The following DVL1 variants were observed in gnomAD, a reference collection of about 807,000 sequenced individuals.
The protein encoded by DVL1 is dishevelled segment polarity protein 1.
A neutral mutation model predicts 65.0 loss-of-function variants in DVL1; 49 were observed. The ratio of observed to expected loss-of-function variants is 0.75; its 90% CI spans 0.60 to 0.96. DVL1 has a LOEUF of 0.96. Ranked by LOEUF, DVL1 falls within the 40% of genes least tolerant of loss-of-function variation. The pLI, the probability that DVL1 is intolerant of heterozygous loss-of-function variation, is 0.00. For synonymous variants in DVL1, 608 were observed against 433.9 expected (o/e 1.40, Z -4.99); for missense variants, 1,197 against 1,045.4 (o/e 1.15, Z -2.00).
Position 1,340,118 on chromosome 1 carries a change from C to T in DVL1, c.829G>A (p.Gly277Ser), listed in dbSNP as rs369424360. 1.5e-5 allele frequency: 24 copies of T among 1,613,510 alleles called. No homozygotes were observed. The highest frequency in any genetic ancestry group is 4.5e-5 in the East Asian group (2 of 44,890). The change falls in exon 8 of 15, where the codon GGC becomes AGC. Residue 277 changes from glycine to serine, a missense_variant. Physicochemically the swap from Gly to Ser is moderately conservative, Grantham distance 56. Transcript: ENST00000378888. ...TTCATGATGGAGCCAATGTAGATGC[C>T]GCCGTCTCCACGGTCGTTGCTCTGC... ...VGQSNDRGDG[G>S]IYIGSIMKGG...
In DVL1 at chr1:1,348,924, A is replaced by G. The variant is rs1282539569; in HGVS notation, c.142T>C (p.Phe48Leu). ...AAGTCCTGGTCCATGGACTTAAAGAAGAATTTGTAGGCGTGCACGGGCCGG... is the reference window on the plus strand; with the variant it reads ...AAGTCCTGGTCCATGGACTTAAAGAGGAATTTGTAGGCGTGCACGGGCCGG... ...SNRPVHAYKF[F>L]FKSMDQDFGV... The change falls in exon 1 of 15, where the codon TTC (phenylalanine) becomes CTC (leucine). Residue 48 changes from phenylalanine (F) to leucine (L), a missense_variant. Physicochemically the swap from Phe to Leu is conservative, Grantham distance 22 (BLOSUM62 0). Transcript: ENST00000378888. The G allele has an allele frequency of 6.4e-7, 1 of 1,570,168 alleles. No individual in the cohort carries two copies. The highest frequency in any genetic ancestry group is 2.5e-5 in the East Asian group (1 of 40,780).
At position 1,339,772 on chromosome 1, in the gene DVL1, G is replaced by A. The variant is rs753568346; in HGVS notation, c.950C>T (p.Ala317Val). The change falls in exon 9 of 15, where the codon GCC (alanine) becomes GTC (valine). Residue 317 changes from alanine (A) to valine (V), a missense_variant. Physicochemically the swap from Ala to Val is moderately conservative, Grantham distance 64. Coordinates refer to ENST00000378888, the MANE Select transcript of DVL1 (RefSeq NM_001330311.2). ...VNFENMSNDD[A>V]VRVLREIVSQ... is the part of the protein sequence containing the mutation. The stretch of plus-strand genomic sequence containing the variant: ...AACGATCTCCCGCAGCACCCGCACG[G>A]CATCGTCATTGCTCATGTTCTCAAA... 6 of 1,612,686 alleles carry A rather than the reference G, an allele frequency of 3.7e-6. No homozygotes were observed. The highest frequency in any genetic ancestry group is 5.1e-6 in the Non-Finnish European group (6 of 1,179,884).
Position 1,340,121 on chromosome 1 carries a change from C to T in DVL1, c.826G>A (p.Gly276Ser), listed in dbSNP as rs1440229512. The change falls in exon 8 of 15, where the codon GGC becomes AGC. Residue 276 changes from glycine (G) to serine (S), a missense_variant. Coordinates refer to ENST00000378888, the MANE Select transcript of DVL1 (RefSeq NM_001330311.2). ...ATGATGGAGCCAATGTAGATGCCGC[C>T]GTCTCCACGGTCGTTGCTCTGCCCC... ...IVGQSNDRGD[G>S]GIYIGSIMKG... 1.2e-6 allele frequency: 2 copies of T among 1,613,506 alleles called. No homozygotes were observed. Among genetic ancestry groups the T allele is most frequent in the African/African-American group, 1.3e-5 (1 of 74,900 alleles).
rs866234681 is a variant in DVL1, at chr1:1,336,452, C to T, written c.1778G>A (p.Arg593Gln). The change falls in exon 15 of 15, where the codon CGG becomes CAG. Residue 593 changes from arginine (R) to glutamine (Q), a missense_variant. Physicochemically the swap from Arg to Gln is conservative, Grantham distance 43. Transcript: ENST00000378888. The stretch of plus-strand genomic sequence containing the variant: ...GCCACTGCCCCCAGCTCCCGCCGCC[C>T]GACGCTCCTTCTCACGGCCCGGGGC... The part of the protein sequence containing the change: ...RRAPGREKER[R>Q]AAGAGGSGSE... 2.5e-6 allele frequency: 4 copies of T among 1,571,784 alleles called. No individual in the cohort carries two copies. The highest frequency in any genetic ancestry group is 2.6e-6 in the Non-Finnish European group (3 of 1,166,686).
rs190025538 is a variant in DVL1 at position 1,335,767 on chromosome 1, G to A, written c.*375C>T. 83 of 240,136 alleles carry A rather than the reference G, an allele frequency of 3.5e-4. No individual in the cohort carries two copies. The highest frequency in any genetic ancestry group is 1.3e-3 in the African/African-American group (57 of 43,540). 14.9% of individuals were successfully genotyped at this position (240,136 alleles called of 1,614,324 possible). ...ATTAGATCCCTACTCCAGACAGGGG[G>A]CCTGTGCACCGCAGGGGGTTGCCCC... On this transcript the variant is annotated 3_prime_UTR_variant, in exon 15 of 15. Coordinates refer to ENST00000378888, the MANE Select transcript of DVL1 (RefSeq NM_001330311.2).
chr1:1,339,806 C>A lies in DVL1; in HGVS notation c.916G>T (p.Asp306Tyr). 6.2e-7 allele frequency: 1 copy of A among 1,609,804 alleles called. No homozygotes were observed. Among genetic ancestry groups the A allele is most frequent in the Non-Finnish European group, 8.5e-7 (1 of 1,179,884 alleles). The change falls in exon 9 of 15, where the codon GAC becomes TAC. Residue 306 changes from aspartate to tyrosine, a missense_variant. Transcript: ENST00000378888. ...EPGDMLLQVN[D>Y]VNFENMSNDD... ...TTGCTCATGTTCTCAAAGTTCACGT[C>A]ATTCACCTGCAGGGGTGGGGATTAG...
rs774130151 is a variant in DVL1, at chr1:1,336,413, T to A, written c.1817A>T (p.His606Leu). ...GCTCCCCACCCCACTCGGTGCCGTG[T>A]GATCCGATTCACTGCCACTGCCCCC... ...GAGGSGSESD[H>L]TAPSGVGSSW... Residue 606 changes from histidine (H) to leucine (L), a missense_variant, in exon 15 of 15, where the codon CAC becomes CTC. By Grantham distance (99) the His-to-Leu change is moderately conservative. Coordinates refer to ENST00000378888, the MANE Select transcript of DVL1 (RefSeq NM_001330311.2). 6.3e-7 allele frequency: 1 copy of A among 1,598,276 alleles called. No individual in the cohort carries two copies. Among genetic ancestry groups the A allele is most frequent in the South Asian group, 1.1e-5 (1 of 90,810 alleles).
chr1:1,336,826 GC>G (rs1179197076), intron 14 of DVL1, among the ~76,000 whole-genome samples: 1 of 152,144 alleles, frequency 6.6e-6, no homozygotes, highest in African/African-American at 2.4e-5. Context: ...GCCAGCGAGG[GC>G]CCCTCATGCC....
Position 1,340,336 on chromosome 1 carries a change from TGTGTAAAAG to T in DVL1, c.700-29_700-21del, listed in dbSNP as rs761693925. ...GGAGGCCTATGGAGGAGAGGGGGCG[TGTGTAAAAG>T]GCACGGGGCTGCCCGACACTGACTT... is the stretch of plus-strand genomic sequence containing the variant. On this transcript the variant is annotated intron_variant, in intron 6 of 14. Coordinates refer to ENST00000378888, the MANE Select transcript of DVL1 (RefSeq NM_001330311.2). 3 of 1,613,750 alleles carry T rather than the reference TGTGTAAAAG, an allele frequency of 1.9e-6. No individual in the cohort carries two copies. In the Admixed American group the frequency reaches 5.0e-5, roughly 27 times the overall value.
rs1264931741 is a variant in DVL1 at position 1,339,838 on chromosome 1, G to A, written c.910-26C>T. 1.9e-6 allele frequency: 3 copies of A among 1,583,580 alleles called. No individual in the cohort carries two copies. The African/African-American group carries it at 4.3e-5, about 23-fold the overall frequency. On this transcript the variant is annotated intron_variant, in intron 8 of 14. Coordinates refer to ENST00000378888, the MANE Select transcript of DVL1 (RefSeq NM_001330311.2). ...CTGCAGGGGTGGGGATTAGGGTGGT[G>A]CAGGCAGGATGTGCAGCTCAGTCCA...
Position 1,342,044 on chromosome 1 carries a change from C to A in DVL1, c.466+9G>T. On this transcript the variant is annotated intron_variant, in intron 4 of 14. Transcript: ENST00000378888. ...GGGGTCCACAGCTGGGCAGACATGA[C>A]CACTGTACCCTCCTCGCGGTTCCGG... 6.4e-7 allele frequency: 1 copy of A among 1,565,668 alleles called. No homozygotes were observed. Among genetic ancestry groups the A allele is most frequent in the Non-Finnish European group, 8.7e-7 (1 of 1,154,906 alleles).
chr1:1,336,013 G>C lies in DVL1; in HGVS notation c.*129C>G. 3 of 1,270,794 alleles carry C rather than the reference G, an allele frequency of 2.4e-6. No individual in the cohort carries two copies. The highest frequency in any genetic ancestry group is 2.1e-6 in the Non-Finnish European group (2 of 932,888). The allele number at this position is 1,270,794 out of a possible 1,614,324, so 78.7% of individuals were successfully genotyped here. On this transcript the variant is annotated 3_prime_UTR_variant, in exon 15 of 15. Coordinates refer to ENST00000378888, the MANE Select transcript of DVL1 (RefSeq NM_001330311.2). ...AGCAGCCAGGCTGCCAGGGCAGATGGTGGTGGTCCAGCCTGCCCCCCACCC... is the reference window on the plus strand; with the variant it reads ...AGCAGCCAGGCTGCCAGGGCAGATGCTGGTGGTCCAGCCTGCCCCCCACCC...
intron 1 of DVL1, among the ~76,000 whole-genome samples, chr1:1,343,600 A>C (rs1345381010): frequency 6.6e-6 from 1 of 152,204 alleles, no homozygotes; most frequent in South Asian, 2.1e-4. Context: ...CTCAGGTCCC[A>C]GGCCCTGTGC....
Position 1,338,301 on chromosome 1 carries a change from T to A in DVL1, c.1475A>T (p.Gln492Leu), listed in dbSNP as rs752027299. The stretch of plus-strand genomic sequence containing the variant: ...GAGATCCCCGAAGACGTAGTAGCAC[T>A]GCTCGGAGAAGGTGATCTTGTTGAC... ...HTVNKITFSE[Q>L]CYYVFGDLCS... Residue 492 changes from glutamine (Q) to leucine (L), a missense_variant, in exon 13 of 15, where the codon CAG (glutamine) becomes CTG (leucine). By Grantham distance (113) the Gln-to-Leu change is moderately radical. Transcript: ENST00000378888. 2 of 1,522,696 alleles carry A rather than the reference T, an allele frequency of 1.3e-6. No homozygotes were observed. 94.3% of individuals were successfully genotyped at this position (1,522,696 alleles called of 1,614,324 possible).
rs1336527600 is a variant in DVL1, at chr1:1,338,178, C to A, written c.1513G>T (p.Ala505Ser). ...YVFGDLCSNL[A>S]TLNLNSGSSG... ...GAGCCACTGTTGAGGTTCAGGGTGG[C>A]GAGATCTGGCGGGGGAGGGTAGGTG... The change falls in exon 14 of 15, where the codon GCC becomes TCC. Residue 505 changes from alanine to serine, a missense_variant. Transcript: ENST00000378888. 4 of 1,602,422 alleles carry A rather than the reference C, an allele frequency of 2.5e-6. No homozygotes were observed. The highest frequency in any genetic ancestry group is 1.7e-4 in the Middle Eastern group (1 of 6,006).
In DVL1 at chr1:1,349,216, C is replaced by T. The variant is rs1348315386; in HGVS notation, c.-151G>A. The T allele has an allele frequency of 3.1e-6, 1 of 324,820 alleles. No individual in the cohort carries two copies. Among genetic ancestry groups the T allele is most frequent in the East Asian group, 1.7e-4 (1 of 5,734 alleles). 20.1% of individuals were successfully genotyped at this position (324,820 alleles called of 1,614,324 possible). On this transcript the variant is annotated 5_prime_UTR_variant, in exon 1 of 15. Coordinates refer to ENST00000378888, the MANE Select transcript of DVL1 (RefSeq NM_001330311.2). This position sits in a 1 kb window ranked among gnomAD's most constrained non-coding sequence, Gnocchi z 4.1. ...CCCCCGGGCGCCCCCGCCCGACCGC[C>T]CAGGCCCCGGCCGCCGCCCCCGGCT...
chr1:1,338,785 C>T, intron 11 of DVL1, 132 bp from the exon 12 acceptor site: 2 of 1,386,776 alleles, frequency 1.4e-6, no homozygotes, highest in Non-Finnish European at 1.9e-6. Context: ...GACAGCAGGG[C>T]CCCGGCCCAC....
intron 14 of DVL1, chr1:1,337,163 C>T: frequency 1.1e-6 from 1 of 920,476 alleles, no homozygotes; most frequent in Non-Finnish European, 1.3e-6. Flanking sequence ...CTGGGCGGGG[C>T]TGAAGTGGGC....
chr1:1,346,344 T>C (rs1189369467), intron 1 of DVL1, among the ~76,000 whole-genome samples: 3 of 152,156 alleles, frequency 2.0e-5, no homozygotes, highest in Non-Finnish European at 4.4e-5. Flanking sequence ...GTGGGAGCTG[T>C]GCCCAACAGA....
Sources: allele counts gnomAD v4.1 joint callset (sites outside exome capture counted in the v4.1 genomes callset), GRCh38; gene constraint gnomAD v4.1.1; non-coding constraint Gnocchi (gnomAD v3.1); transcripts MANE v1.5; gene names NCBI Gene and HGNC (gene_info 2026-07-23, HGNC 2026-07-21).